The following KLHL10 variants were observed in gnomAD, a reference collection of about 807,000 sequenced individuals.
The protein encoded by KLHL10 is kelch-like protein 10.
Under a neutral mutation model 46.6 loss-of-function variants are expected in KLHL10, and 11 were observed. That is an observed-to-expected ratio of 0.24 (90% CI 0.15 to 0.39). KLHL10 has a LOEUF of 0.39. Ranked by LOEUF, KLHL10 falls within the 10% of genes least tolerant of loss-of-function variation. The pLI is 1.00. For missense variants in KLHL10, 475 were observed against 789.8 expected, an observed-to-expected ratio of 0.60 and a Z score of 4.78; for synonymous variants, 254 against 279.1, an observed-to-expected ratio of 0.91 and a Z score of 0.90.
In KLHL10 at chr17:41,845,271, C is replaced by T; in HGVS notation, c.830C>T (p.Ser277Phe). The change falls in exon 3 of 5, where the codon TCT (serine) becomes TTT (phenylalanine). Residue 277 changes from serine to phenylalanine, a missense_variant. Transcript: ENST00000293303. ...CTCAACATGAATGGACCCTCTAATT[C>T]TGATTTCACCAACCCACTCACCAGA... is the stretch of plus-strand genomic sequence containing the variant. ...YDLNMNGPSN[S>F]DFTNPLTRPR... is the part of the protein sequence containing the mutation. The T allele has an allele frequency of 6.2e-7, 1 of 1,614,214 alleles. No homozygotes were observed. The highest frequency in any genetic ancestry group is 8.5e-7 in the Non-Finnish European group (1 of 1,180,044).
rs184567548 is a variant in KLHL10, at chr17:41,838,184, T to C, written c.194+58T>C. ...GTAATTGGGCTCATTTTGAGACACT[T>C]TGATCCATTTTCTGTTTCCCACCCC... is the stretch of plus-strand genomic sequence containing the variant. On this transcript the variant is annotated intron_variant, in intron 1 of 4. Coordinates refer to ENST00000293303, the MANE Select transcript of KLHL10 (RefSeq NM_152467.5). The C allele has an allele frequency of 3.5e-5, 48 of 1,381,478 alleles. No homozygotes were observed. The East Asian group carries it at 1.1e-3, about 30-fold the overall frequency. 85.6% of individuals were successfully genotyped at this position (1,381,478 alleles called of 1,614,324 possible).
intron 3 of KLHL10, among the ~76,000 whole-genome samples, chr17:41,846,125 C>T (rs1343973524): frequency 8.6e-5 from 13 of 151,054 alleles, no homozygotes; most frequent in African/African-American, 2.2e-4. Flanking sequence ...GCAGGAGAAT[C>T]GCTTGAACCC....
chr17:41,845,003 A>T (rs1356969498), intron 2 of KLHL10, 123 bp from the exon 3 acceptor site: 2 of 1,236,928 alleles, frequency 1.6e-6, no homozygotes, highest in Non-Finnish European at 2.3e-6. Flanking sequence ...TGACTTATAC[A>T]TTTCAAAAAC....
chr17:41,841,694 G>T, intron 1 of KLHL10, 129 bp from the exon 2 acceptor site: 1 of 1,046,200 alleles, frequency 9.6e-7, no homozygotes, highest in East Asian at 2.4e-5. Context: ...CAGAGTTCTT[G>T]GAAAGGTGTT....
chr17:41,842,121 C>T lies in KLHL10; in HGVS notation c.493C>T (p.Leu165=). The stretch of plus-strand genomic sequence containing the variant: ...GAGGCAGAAGGCCTACATGTTCATA[C>T]TGCACAACTTTGAGGAGATGGTGAA... ...ELRQKAYMFI[L]HNFEEMVKVS... is the part of the protein sequence containing the mutation. Residue 165 remains leucine (L), a synonymous_variant, in exon 2 of 5, where the codon CTG becomes TTG. Coordinates refer to ENST00000293303, the MANE Select transcript of KLHL10 (RefSeq NM_152467.5). 6.2e-7 allele frequency: 1 copy of T among 1,614,160 alleles called. No homozygotes were observed. The highest frequency in any genetic ancestry group is 8.5e-7 in the Non-Finnish European group (1 of 1,180,032).
In KLHL10 at chr17:41,845,502, A is replaced by G. The variant is rs1555621270; in HGVS notation, c.1061A>G (p.Asn354Ser). ...IGGFDSVDYF[N>S]SVKRFDPVKK... ...GGGTTTGATAGTGTAGACTATTTCA[A>G]TAGTGTTAAGCGTTTTGACCCAGTC... is the stretch of plus-strand genomic sequence containing the variant. Residue 354 changes from asparagine to serine, a missense_variant, in exon 3 of 5, where the codon AAT becomes AGT. Transcript: ENST00000293303. 2.5e-6 allele frequency: 4 copies of G among 1,614,210 alleles called. No individual in the cohort carries two copies.
intron 1 of KLHL10, among the ~76,000 whole-genome samples, chr17:41,840,820 A>G (rs1302344175): frequency 6.7e-6 from 1 of 149,672 alleles, no homozygotes; most frequent in Non-Finnish European, 1.5e-5. Flanking sequence ...AACTTCTTAA[A>G]AAAAGGAAGC....
intron 1 of KLHL10, among the ~76,000 whole-genome samples, chr17:41,838,757 C>T (rs528892152): frequency 4.4e-4 from 66 of 150,464 alleles, no homozygotes; most frequent in African/African-American, 1.5e-3. Context: ...GGCGCCATCT[C>T]GGCTCACTGC....
At chr17:41,846,279 T>C (rs1180437979) in intron 3 of KLHL10, among the ~76,000 whole-genome samples, 6 of 151,830 alleles carry the variant, frequency 4.0e-5, no homozygotes, top group African/African-American at 1.5e-4. Flanking sequence ...TCCCAGCACT[T>C]TGGCAAGCCG....
rs143214521 is a variant in KLHL10, at chr17:41,840,528, C to T, written c.195-1295C>T. Among the ~76,000 whole-genome samples the T allele has an allele frequency of 4.1e-3, 624 of 151,776 alleles. 4 individuals are homozygous for T. Among genetic ancestry groups the T allele is most frequent in the African/African-American group, 0.014 (594 of 41,354 alleles). On this transcript the variant is annotated intron_variant, in intron 1 of 4. Transcript: ENST00000293303. ...GGCATGGTGGTGGGCACCTATAATC[C>T]CAGCTACTCGGGAGGCTGAGGCAGA... is the stretch of plus-strand genomic sequence containing the variant.
chr17:41,840,191 G>A (rs1327969116), intron 1 of KLHL10, among the ~76,000 whole-genome samples: 1 of 152,190 alleles, frequency 6.6e-6, no homozygotes, highest in African/African-American at 2.4e-5. Context: ...ACAGTCTGTT[G>A]CAACTACTCT....
Position 41,845,422 on chromosome 17 carries a change from T to A in KLHL10, c.981T>A (p.Ser327Arg). ...TGAATGTTACTTGTGAGGAAGAGAGTCCCCGTGCCTACCATGGGGCAGCCT... is the reference window on the plus strand; with the variant it reads ...TGAATGTTACTTGTGAGGAAGAGAGACCCCGTGCCTACCATGGGGCAGCCT... ...RWVNVTCEEE[S>R]PRAYHGAAYL... Residue 327 changes from serine (S) to arginine (R), a missense_variant, in exon 3 of 5, where the codon AGT becomes AGA. By Grantham distance (110) the Ser-to-Arg change is moderately radical. Coordinates refer to ENST00000293303, the MANE Select transcript of KLHL10 (RefSeq NM_152467.5). 6.2e-7 allele frequency: 1 copy of A among 1,614,046 alleles called. No individual in the cohort carries two copies. Among genetic ancestry groups the A allele is most frequent in the South Asian group, 1.1e-5 (1 of 91,068 alleles).
chr17:41,847,447 C>T (rs781962698), intron 4 of KLHL10, 37 bp downstream of exon 4: 17 of 1,611,296 alleles, frequency 1.1e-5, no homozygotes, highest in Admixed American at 1.7e-5. Context: ...ACAAAAAACA[C>T]ATTACCCCTA....
At chr17:41,840,020 C>T (rs2048210597) in intron 1 of KLHL10, among the ~76,000 whole-genome samples, 2 of 152,142 alleles carry the variant, frequency 1.3e-5, no homozygotes, top group Admixed American at 1.3e-4. Context: ...GCTGGGGTTA[C>T]AGGTTTCACT....
At chr17:41,840,501 C>T (rs565219254) in intron 1 of KLHL10, among the ~76,000 whole-genome samples, 12 of 151,922 alleles carry the variant, frequency 7.9e-5, no homozygotes, top group Admixed American at 5.9e-4. Flanking sequence ...TACAAAAAGC[C>T]GGGCATGGTG....
At position 41,848,166 on chromosome 17, in the gene KLHL10, A is replaced by G; in HGVS notation, c.1686A>G (p.Ile562Met). The G allele has an allele frequency of 6.2e-7, 1 of 1,614,194 alleles. No homozygotes were observed. The highest frequency in any genetic ancestry group is 2.2e-5 in the East Asian group (1 of 44,878). The change falls in exon 5 of 5, where the codon ATA (isoleucine) becomes ATG (methionine). Residue 562 changes from isoleucine (I) to methionine (M), a missense_variant. Transcript: ENST00000293303. Reference protein sequence around the residue: ...DEWYDAHDMSIYRSALSCCVV... With the variant: ...DEWYDAHDMSMYRSALSCCVV... Reference sequence around the variant, plus strand: ...GGTATGATGCTCATGACATGAGTATATACCGCAGTGCTCTGAGCTGCTGTG... The same window carrying G: ...GGTATGATGCTCATGACATGAGTATGTACCGCAGTGCTCTGAGCTGCTGTG...
At chr17:41,846,965 A>G (rs188056895) in intron 3 of KLHL10, among the ~76,000 whole-genome samples, 29 of 152,272 alleles carry the variant, frequency 1.9e-4, no homozygotes, top group African/African-American at 6.3e-4. Context: ...AATACAAAAA[A>G]TTAGCGGAGC....
intron 3 of KLHL10, among the ~76,000 whole-genome samples, chr17:41,846,251 G>C (rs1333961875): frequency 6.6e-6 from 1 of 151,742 alleles, no homozygotes; most frequent in Non-Finnish European, 1.5e-5. Context: ...GGCTGGGCTC[G>C]GTGACTCACG....
At position 41,848,283 on chromosome 17, in the gene KLHL10, T is replaced by G; in HGVS notation, c.1803T>G (p.Ala601=). ...LALRDEVKYS[A]STSTLPV ...TGCGAGATGAAGTAAAATATTCTGC[T>G]TCGACAAGTACCCTACCTGTATGAG... Residue 601 remains alanine, a synonymous_variant, in exon 5 of 5, where the codon GCT becomes GCG. Coordinates refer to ENST00000293303, the MANE Select transcript of KLHL10 (RefSeq NM_152467.5). The G allele has an allele frequency of 6.2e-7, 1 of 1,611,856 alleles. No homozygotes were observed. Among genetic ancestry groups the G allele is most frequent in the South Asian group, 1.1e-5 (1 of 91,068 alleles).
Sources: gnomAD v4.1 joint callset for allele counts (sites outside exome capture counted in the v4.1 genomes callset) on GRCh38, gnomAD v4.1.1 for gene constraint, MANE v1.5 for transcripts, NCBI Gene and HGNC (gene_info 2026-07-23, HGNC 2026-07-21) for gene names.